Variants in ARNT observed in about 807,000 individuals in gnomAD.
The protein encoded by ARNT is aryl hydrocarbon receptor nuclear translocator, also known as class E basic helix-loop-helix protein 2.
Under a neutral mutation model 105.0 loss-of-function variants are expected in ARNT, and 30 were observed. That is an observed-to-expected ratio of 0.29 (90% CI 0.21 to 0.39). The LOEUF is 0.39. Ranked by LOEUF, ARNT falls within the 10% of genes least tolerant of loss-of-function variation. The pLI is 1.00. For synonymous variants in ARNT, 304 were observed against 344.0 expected (o/e 0.88, Z 1.29); for missense variants, 748 against 978.7 (o/e 0.76, Z 3.15).
chr1:150,842,896 G>A (rs760479315), intron 4 of ARNT, among the ~76,000 whole-genome samples: 17 of 152,078 alleles, frequency 1.1e-4, no homozygotes, highest in Admixed American at 2.0e-4. Flanking sequence ...TCCCAATCTG[G>A]AAAGAAAATG....
chr1:150,850,811 GGCC>G (rs1663247283), intron 3 of ARNT, among the ~76,000 whole-genome samples: 4 of 150,970 alleles, frequency 2.6e-5, no homozygotes, highest in Admixed American at 2.6e-4. Context: ...GCCTCTTCCC[GGCC>G]GCCATCCCGT....
Position 150,811,695 on chromosome 1 carries a change from G to A in ARNT, c.*326C>T, listed in dbSNP as rs1348050686. 5 of 248,042 alleles carry A rather than the reference G, an allele frequency of 2.0e-5. No homozygotes were observed. The highest frequency in any genetic ancestry group is 3.1e-5 in the Non-Finnish European group (4 of 128,498). 15.4% of individuals were successfully genotyped at this position (248,042 alleles called of 1,614,324 possible). ...TATCCAAGGCAAACAGTGGATGTCAGGTTCTTCTAACCTGCCTCTTGATCT... is the reference window on the plus strand; with the variant it reads ...TATCCAAGGCAAACAGTGGATGTCAAGTTCTTCTAACCTGCCTCTTGATCT... On this transcript the variant is annotated 3_prime_UTR_variant, in exon 22 of 22. Transcript: ENST00000358595.
intron 7 of ARNT, 64 bp downstream of exon 7, chr1:150,836,216 C>A: frequency 6.5e-7 from 1 of 1,528,884 alleles, no homozygotes; most frequent in Non-Finnish European, 9.0e-7. Context: ...TAAAACATCT[C>A]TTAAGTCTCA....
chr1:150,858,325 A>C (rs369646827), intron 2 of ARNT, 24 bp downstream of exon 2: 1 of 1,557,980 alleles, frequency 6.4e-7, no homozygotes, highest in Non-Finnish European at 8.8e-7. Flanking sequence ...AGAGATATTC[A>C]TAACACACTA....
Position 150,813,259 on chromosome 1 carries a change from G to A in ARNT, c.2193C>T (p.Gly731=), listed in dbSNP as rs200025645. ...AACTTGAACGATGATGAGGCTGCTG[G>A]CCCTGCCACTGTGGCCAGACACCCA... ...EGVGVWPQWQ[G]QQPHHRSSSS... The change falls in exon 21 of 22, where the codon GGC becomes GGT. Residue 731 remains glycine (G), a synonymous_variant. Coordinates refer to ENST00000358595, the MANE Select transcript of ARNT (RefSeq NM_001668.4). 1 of 1,611,892 alleles carries A rather than the reference G, an allele frequency of 6.2e-7. No individual in the cohort carries two copies. The highest frequency in any genetic ancestry group is 1.7e-5 in the Admixed American group (1 of 59,954).
chr1:150,847,201 A>G (rs1484210340), intron 3 of ARNT, among the ~76,000 whole-genome samples: 2 of 152,076 alleles, frequency 1.3e-5, no homozygotes, highest in East Asian at 1.9e-4. Context: ...GGAGGCCAAC[A>G]CTGGGCGGAT....
At chr1:150,875,927 C>T (rs1020933099) in intron 1 of ARNT, among the ~76,000 whole-genome samples, 1 of 152,164 alleles carries the variant, frequency 6.6e-6, no homozygotes, top group Non-Finnish European at 1.5e-5. Flanking sequence ...CAGGCAAAGA[C>T]CTACAGGCCC....
chr1:150,875,337 G>A (rs1471761308), intron 1 of ARNT, among the ~76,000 whole-genome samples: 5 of 151,900 alleles, frequency 3.3e-5, no homozygotes, highest in African/African-American at 1.2e-4. Context: ...CAGAAACACG[G>A]TAGAAAAGAA....
intron 13 of ARNT, among the ~76,000 whole-genome samples, chr1:150,826,256 G>A (rs10305718): frequency 2.0e-5 from 3 of 152,118 alleles, no homozygotes; most frequent in Admixed American, 6.5e-5. Context: ...GAGGTTGGGC[G>A]CATGAGCCAC....
At chr1:150,813,364 A>G (rs754795169) in intron 20 of ARNT, 26 bp from the exon 21 acceptor site, 2 of 1,584,046 alleles carry the variant, frequency 1.3e-6, no homozygotes, top group Non-Finnish European at 1.7e-6. Context: ...GGAAGAATAA[A>G]CAACTCCAAT....
chr1:150,823,122 G>A (rs939559656), intron 14 of ARNT, 72 bp downstream of exon 14: 12 of 1,365,378 alleles, frequency 8.8e-6, no homozygotes, highest in Admixed American at 2.3e-5. Flanking sequence ...CCCCCACATA[G>A]GGCATCAGAA....
chr1:150,841,090 A>G (rs1661215775), intron 5 of ARNT, among the ~76,000 whole-genome samples: 1 of 149,088 alleles, frequency 6.7e-6, no homozygotes, highest in Non-Finnish European at 1.5e-5. Flanking sequence ...CTGGGACTAC[A>G]GGCGCACACC....
intron 1 of ARNT, among the ~76,000 whole-genome samples, chr1:150,864,574 G>A (rs1192669581): frequency 2.5e-4 from 32 of 129,334 alleles, no homozygotes; most frequent in Non-Finnish European, 3.9e-4. Flanking sequence ...AGATCACATG[G>A]ACACAGGAAG....
At position 150,811,900 on chromosome 1, in the gene ARNT, A is replaced by G; in HGVS notation, c.*121T>C. 1.7e-6 allele frequency: 1 copy of G among 577,974 alleles called. No homozygotes were observed. Among genetic ancestry groups the G allele is most frequent in the Non-Finnish European group, 2.7e-6 (1 of 365,284 alleles). The allele number at this position is 577,974 out of a possible 1,614,324, so 35.8% of individuals were successfully genotyped here. On this transcript the variant is annotated 3_prime_UTR_variant, in exon 22 of 22. Coordinates refer to ENST00000358595, the MANE Select transcript of ARNT (RefSeq NM_001668.4). ...GGAACAGCCAGAAGGGAAAGGGGGT[A>G]CATGTCAGGGGTGAGGGAAGGGAAG...
chr1:150,819,615 G>C (rs1380035177), intron 14 of ARNT, among the ~76,000 whole-genome samples: 4 of 152,162 alleles, frequency 2.6e-5, no homozygotes, highest in Admixed American at 6.5e-5. Context: ...GCTACAACAT[G>C]TATCAGTACA....
chr1:150,827,318 T>C lies in ARNT; in HGVS notation c.1168-701A>G, dbSNP rs587748058. On this transcript the variant is annotated intron_variant, in intron 12 of 21. Coordinates refer to ENST00000358595, the MANE Select transcript of ARNT (RefSeq NM_001668.4). ...TGCCCCAAGATGTTCCCTTGTGCCA[T>C]CTGCAGTCAATCTCTGCTCCCACTC... 5.9e-5 allele frequency among the ~76,000 whole-genome samples: 9 copies of C among 152,328 alleles called. No homozygotes were observed. In the South Asian group the frequency reaches 8.3e-4, roughly 14 times the overall value.
chr1:150,832,252 G>A (rs1480383666), intron 9 of ARNT, 82 bp downstream of exon 9: 31 of 1,446,342 alleles, frequency 2.1e-5, no homozygotes, highest in Middle Eastern at 3.5e-4. Flanking sequence ...CTGAAGGAAC[G>A]ACTACAGTAA....
intron 20 of ARNT, 104 bp downstream of exon 20, chr1:150,813,973 A>G (rs1655296393): frequency 7.1e-7 from 1 of 1,406,796 alleles, no homozygotes; most frequent in African/African-American, 1.4e-5. Context: ...TTTCCCTACA[A>G]TCAGGTCAGT....
chr1:150,856,787 A>C (rs949836446), intron 2 of ARNT, among the ~76,000 whole-genome samples: 1 of 151,954 alleles, frequency 6.6e-6, no homozygotes, highest in Non-Finnish European at 1.5e-5. Context: ...AATAAAAATA[A>C]AAGAAATATT....
Sources: allele counts gnomAD v4.1 joint callset (sites outside exome capture counted in the v4.1 genomes callset), GRCh38; gene constraint gnomAD v4.1.1; transcripts MANE v1.5; gene names NCBI Gene and HGNC (gene_info 2026-07-23, HGNC 2026-07-21).